C3orf70: variants seen among roughly 807,000 people sequenced by gnomAD.
C3orf70 encodes UPF0524 protein C3orf70.
In C3orf70, 15 loss-of-function variants were observed where a neutral mutation model predicts 20.7. The ratio of observed to expected loss-of-function variants is 0.72; its 90% CI spans 0.48 to 1.11. The LOEUF is 1.11. C3orf70 is among the 50% of genes most tolerant of loss of function. C3orf70 has a pLI of 0.00. For missense variants in C3orf70, 332 were observed against 317.6 expected (o/e 1.05, Z -0.34); for synonymous variants, 161 against 125.7 (o/e 1.28, Z -1.88).
chr3:185,104,011 GGA>G (rs1028451814), intron 1 of C3orf70, among the ~76,000 whole-genome samples: 8 of 152,146 alleles, frequency 5.3e-5, no homozygotes, highest in African/African-American at 1.9e-4. Context: ...CACAGATAAG[GGA>G]GAGTTATGCA....
intron 1 of C3orf70, among the ~76,000 whole-genome samples, chr3:185,100,081 G>C (rs972145077): frequency 6.6e-6 from 1 of 152,146 alleles, no homozygotes; most frequent in Admixed American, 6.5e-5. Context: ...TAAAGAGACT[G>C]AGACTTCCAC....
chr3:185,095,186 C>T (rs1323417445), intron 1 of C3orf70, among the ~76,000 whole-genome samples: 2 of 152,230 alleles, frequency 1.3e-5, no homozygotes, highest in Non-Finnish European at 2.9e-5. Context: ...ATGAGACCAT[C>T]TCAGCCTCCT....
intron 1 of C3orf70, among the ~76,000 whole-genome samples, chr3:185,094,256 T>C (rs1267482546): frequency 6.6e-6 from 1 of 152,044 alleles, no homozygotes; most frequent in Admixed American, 6.5e-5. Context: ...TTTTATATTT[T>C]TGTAGAGACT....
chr3:185,134,022 A>C (rs1004399947), intron 1 of C3orf70, among the ~76,000 whole-genome samples: 1 of 151,738 alleles, frequency 6.6e-6, no homozygotes, highest in African/African-American at 2.4e-5. Context: ...CCAGGAGTTC[A>C]AGGCTGCAGT....
chr3:185,087,174 C>T lies in C3orf70; in HGVS notation c.197-3611G>A, dbSNP rs539839724. On this transcript the variant is annotated intron_variant, in intron 1 of 1. Coordinates refer to ENST00000335012, the MANE Select transcript of C3orf70 (RefSeq NM_001025266.3). ...ATAACCACTATATTCTCTGAACAAT[C>T]GTAATTAAGGGTTTACTGTGTTAAA... is the stretch of plus-strand genomic sequence containing the variant. Among the ~76,000 whole-genome samples the T allele has an allele frequency of 2.6e-5, 4 of 152,240 alleles. No individual in the cohort carries two copies. In the South Asian group the frequency reaches 6.2e-4, roughly 24 times the overall value.
intron 1 of C3orf70, among the ~76,000 whole-genome samples, chr3:185,101,905 G>A (rs1715831675): frequency 6.6e-6 from 1 of 152,136 alleles, no homozygotes. Context: ...CAATTAACTA[G>A]GTATTGAAGG....
At chr3:185,146,470 T>C (rs1416031646) in intron 1 of C3orf70, among the ~76,000 whole-genome samples, 1 of 151,912 alleles carries the variant, frequency 6.6e-6, no homozygotes, top group Non-Finnish European at 1.5e-5. Flanking sequence ...GTATTTTTAG[T>C]AGAGACGGGG....
Position 185,082,893 on chromosome 3 carries a change from T to A in C3orf70, c.*114A>T, listed in dbSNP as rs549148730. The A allele has an allele frequency of 9.9e-7, 1 of 1,009,926 alleles. No individual in the cohort carries two copies. Among genetic ancestry groups the A allele is most frequent in the Non-Finnish European group, 1.5e-6 (1 of 677,556 alleles). The allele number at this position is 1,009,926 out of a possible 1,614,324, so 62.6% of individuals were successfully genotyped here. The stretch of plus-strand genomic sequence containing the variant: ...ACCACTGAACTGCTACGGTTGTTGG[T>A]TGGAGCGGGGCGGGGTGGGTAGAAA... On this transcript the variant is annotated 3_prime_UTR_variant, in exon 2 of 2. Transcript: ENST00000335012.
intron 1 of C3orf70, among the ~76,000 whole-genome samples, chr3:185,091,951 ATATATATATATATTTTTTTT>A (rs1715595431): frequency 1.1e-4 from 1 of 9,474 alleles, no homozygotes; most frequent in Admixed American, 1.4e-3. Context: ...ATATATATAT[ATATATATATATATTTTTTTT>A]TTTTTTTAGT....
rs188808710 is a variant in C3orf70, at chr3:185,111,887, G to T, written c.197-28324C>A. 3.0e-3 allele frequency among the ~76,000 whole-genome samples: 462 copies of T among 152,274 alleles called. 3 individuals carry two copies. Among genetic ancestry groups the T allele is most frequent in the African/African-American group, 0.011 (452 of 41,548 alleles). ...GTAATTATATTATTTGCCTGACAAA[G>T]AATTCAAAATACTGAACAGAAATGC... On this transcript the variant is annotated intron_variant, in intron 1 of 1. Coordinates refer to ENST00000335012, the MANE Select transcript of C3orf70 (RefSeq NM_001025266.3).
At chr3:185,106,810 G>T (rs931484594) in intron 1 of C3orf70, among the ~76,000 whole-genome samples, 1 of 152,232 alleles carries the variant, frequency 6.6e-6, no homozygotes, top group African/African-American at 2.4e-5. Context: ...GGGACGATAG[G>T]ATTACTTTTA....
chr3:185,101,467 G>A (rs1424660992), intron 1 of C3orf70, among the ~76,000 whole-genome samples: 2 of 152,070 alleles, frequency 1.3e-5, no homozygotes, highest in African/African-American at 2.4e-5. Context: ...ATCCATTCTT[G>A]CACTACTATA....
intron 1 of C3orf70, among the ~76,000 whole-genome samples, chr3:185,104,740 C>A (rs987710885): frequency 2.0e-5 from 3 of 152,118 alleles, no homozygotes; most frequent in Non-Finnish European, 4.4e-5. Context: ...AAACCAAATA[C>A]CGCATGTTCT....
chr3:185,086,449 T>C (rs902538304), intron 1 of C3orf70, among the ~76,000 whole-genome samples: 2 of 152,206 alleles, frequency 1.3e-5, no homozygotes, highest in African/African-American at 4.8e-5. Context: ...GCTCTAATCA[T>C]TGGTTTAGTG....
At chr3:185,083,737 A>G (rs566550825) in intron 1 of C3orf70, among the ~76,000 whole-genome samples, 174 bp from the exon 2 acceptor site, 1 of 152,370 alleles carries the variant, frequency 6.6e-6, no homozygotes, top group African/African-American at 2.4e-5. Context: ...AGCATGGTAT[A>G]TAATAATTTT....
At chr3:185,123,722 TTA>T (rs1250349540) in intron 1 of C3orf70, among the ~76,000 whole-genome samples, 1 of 152,152 alleles carries the variant, frequency 6.6e-6, no homozygotes, top group African/African-American at 2.4e-5. Flanking sequence ...ACCTGAATAT[TTA>T]TGATTACAAA....
chr3:185,152,574 C>T (rs940650456), intron 1 of C3orf70, 54 bp downstream of exon 1: 153 of 1,482,170 alleles, frequency 1.0e-4, no homozygotes, highest in Non-Finnish European at 1.2e-4. Context: ...CCGGACGGCC[C>T]GGCGGGCGTC....
chr3:185,147,094 T>C (rs1163784940), intron 1 of C3orf70, among the ~76,000 whole-genome samples: 4 of 152,240 alleles, frequency 2.6e-5, no homozygotes, highest in African/African-American at 9.6e-5. Flanking sequence ...TCTCTATTTC[T>C]ATGCTGCCCA....
intron 1 of C3orf70, among the ~76,000 whole-genome samples, chr3:185,147,591 C>T (rs1197337285): frequency 6.6e-6 from 1 of 152,184 alleles, no homozygotes; most frequent in Non-Finnish European, 1.5e-5. Flanking sequence ...AGGCTCTACT[C>T]CTTACTATGT....
Sources: gnomAD v4.1 joint callset for allele counts (sites outside exome capture counted in the v4.1 genomes callset) on GRCh38, gnomAD v4.1.1 for gene constraint, MANE v1.5 for transcripts, NCBI Gene and HGNC (gene_info 2026-07-23, HGNC 2026-07-21) for gene names.